The following TRPM2 variants were observed in gnomAD, a reference collection of about 807,000 sequenced individuals.
The protein encoded by TRPM2 is estrogen-responsive element-associated gene 1 protein.
A neutral mutation model predicts 174.0 loss-of-function variants in TRPM2; 161 were observed. The ratio of observed to expected loss-of-function variants is 0.93; its 90% CI spans 0.81 to 1.05. TRPM2 has a LOEUF of 1.05. Among genes scored for constraint, TRPM2 ranks in the 50% least tolerant of loss-of-function variants. TRPM2 has a pLI of 0.00. For synonymous variants in TRPM2, 954 were observed against 861.3 expected (o/e 1.11, Z -1.88); for missense variants, 2,057 against 2,038.0 (o/e 1.01, Z -0.18).
intron 22 of TRPM2, among the ~76,000 whole-genome samples, chr21:44,420,197 G>T (rs2050499881): frequency 6.6e-6 from 1 of 152,082 alleles, no homozygotes; most frequent in African/African-American, 2.4e-5. Context: ...AGAGAGTCAG[G>T]ACTTGCTGTC....
chr21:44,391,043 C>T lies in TRPM2; in HGVS notation c.1440+18C>T, dbSNP rs186442818. The T allele has an allele frequency of 3.7e-6, 6 of 1,613,488 alleles. No individual in the cohort carries two copies. The Admixed American group carries it at 6.7e-5, about 18-fold the overall frequency. On this transcript the variant is annotated intron_variant, in intron 10 of 31. Transcript: ENST00000397928. The surrounding 1 kb of genome is among the most constrained non-coding windows in gnomAD (Gnocchi z 5.0). ...AGTGGAAGGTAAGTCTTCCAGAGCACCCCGTGGAGGGGCCTACTGGGCCCA... is the reference window on the plus strand; with the variant it reads ...AGTGGAAGGTAAGTCTTCCAGAGCATCCCGTGGAGGGGCCTACTGGGCCCA...
chr21:44,421,863 G>A (rs771193415), intron 22 of TRPM2, among the ~76,000 whole-genome samples: 9 of 152,194 alleles, frequency 5.9e-5, no homozygotes, highest in African/African-American at 4.8e-5. Context: ...GCTGCAGTGC[G>A]CCATGATGGT....
chr21:44,405,528 C>T (rs192290360), intron 17 of TRPM2, among the ~76,000 whole-genome samples: 227 of 152,212 alleles, frequency 1.5e-3, no homozygotes, highest in African/African-American at 5.3e-3. Context: ...CTGGAATTGT[C>T]CCAGCTCCAC....
At chr21:44,361,499 G>A (rs562614861) in intron 2 of TRPM2, among the ~76,000 whole-genome samples, 42 of 152,216 alleles carry the variant, frequency 2.8e-4, no homozygotes, top group East Asian at 1.9e-3. Context: ...TTTGGTAGAC[G>A]TCAAATAATT....
At chr21:44,422,256 C>T (rs776795163) in intron 22 of TRPM2, 6 of 1,535,124 alleles carry the variant, frequency 3.9e-6, no homozygotes. Flanking sequence ...TTCACCAAAG[C>T]TCCTCGCCCA....
In TRPM2 at chr21:44,353,838, A is replaced by G. The variant is rs45438394; in HGVS notation, c.138A>G (p.Leu46=). Residue 46 remains leucine, a synonymous_variant, in exon 1 of 32, where the codon CTA becomes CTG. Coordinates refer to ENST00000397928, the MANE Select transcript of TRPM2 (RefSeq NM_003307.4). Reference sequence around the variant, plus strand: ...GCAGCCTCTTCAAGAGCTGGAGGCTACAGTGCCCCTTCGGCAACAATGACA... The same window carrying G: ...GCAGCCTCTTCAAGAGCTGGAGGCTGCAGTGCCCCTTCGGCAACAATGACA... ...SNSSLFKSWR[L]QCPFGNNDKQ... is the part of the protein sequence containing the mutation. 2.2e-4 allele frequency: 357 copies of G among 1,600,940 alleles called. No homozygotes were observed. In the African/African-American group the frequency reaches 4.1e-3, roughly 18 times the overall value.
At chr21:44,369,415 G>C in intron 5 of TRPM2, 72 bp downstream of exon 5, 1 of 1,527,274 alleles carries the variant, frequency 6.5e-7, no homozygotes, top group Non-Finnish European at 8.8e-7. Flanking sequence ...GCGCTGTGGG[G>C]AGCAGGTGGA....
At chr21:44,395,657 G>A (rs1227687603) in intron 12 of TRPM2, 106 bp downstream of exon 12, 4 of 1,353,460 alleles carry the variant, frequency 3.0e-6, no homozygotes, top group Admixed American at 2.0e-5. Context: ...CCAAGTGCAC[G>A]TGGAGGCTGT....
At chr21:44,351,462 A>G (rs983720519), upstream of TRPM2, among the ~76,000 whole-genome samples, 2 of 152,158 alleles carry the variant, frequency 1.3e-5, no homozygotes. Context: ...GGCCTGCTTC[A>G]TGCATCTGTC....
chr21:44,406,558 C>T (rs756105996), intron 18 of TRPM2, 36 bp from the exon 19 acceptor site: 30 of 1,585,428 alleles, frequency 1.9e-5, no homozygotes, highest in Middle Eastern at 2.0e-4. Flanking sequence ...CATCGGGGGC[C>T]AGGAGAGTGT....
At chr21:44,403,758 T>C (rs2049727640) in intron 16 of TRPM2, among the ~76,000 whole-genome samples, 4 of 149,738 alleles carry the variant, frequency 2.7e-5, no homozygotes, top group Admixed American at 2.7e-4. Flanking sequence ...TGCACACACA[T>C]GCATACACAT....
intron 18 of TRPM2, 84 bp from the exon 19 acceptor site, chr21:44,406,510 T>A (rs1407926228): frequency 6.9e-7 from 1 of 1,457,486 alleles, no homozygotes; most frequent in African/African-American, 1.4e-5. Context: ...GGCAGTGCTG[T>A]CTCCACCGCT....
intron 5 of TRPM2, among the ~76,000 whole-genome samples, chr21:44,373,607 CATTATATG>C: frequency 7.0e-6 from 1 of 143,210 alleles, no homozygotes. Flanking sequence ...ATGCGACCTG[CATTATATG>C]CGACCTGCAT....
intron 2 of TRPM2, among the ~76,000 whole-genome samples, chr21:44,357,792 C>T (rs773787062): frequency 6.6e-5 from 10 of 152,242 alleles, no homozygotes; most frequent in Non-Finnish European, 1.3e-4. Flanking sequence ...CGTTCCCAGA[C>T]ACCACCTTGA....
At chr21:44,379,364 G>T (rs1470931949) in intron 8 of TRPM2, among the ~76,000 whole-genome samples, 167 bp downstream of exon 8, 4 of 152,232 alleles carry the variant, frequency 2.6e-5, no homozygotes, top group Admixed American at 6.5e-5. Context: ...AAACCTCCTG[G>T]CTGGGTTCCG....
upstream of TRPM2, among the ~76,000 whole-genome samples, chr21:44,351,953 C>T (rs2122998714): frequency 4.6e-5 from 7 of 152,208 alleles, no homozygotes; most frequent in Non-Finnish European, 8.8e-5. Context: ...GCAGAGAGTC[C>T]CACACCGTGG....
At chr21:44,395,722 G>A (rs1602210449) in intron 12 of TRPM2, among the ~76,000 whole-genome samples, 171 bp downstream of exon 12, 1 of 11,536 alleles carries the variant, frequency 8.7e-5, no homozygotes, top group Non-Finnish European at 1.8e-4. Flanking sequence ...GGTGTGGAGG[G>A]CTGTGGAGGG....
chr21:44,425,780 T>C lies in TRPM2; in HGVS notation c.3748T>C (p.Cys1250Arg). The C allele has an allele frequency of 6.3e-7, 1 of 1,594,002 alleles. No individual in the cohort carries two copies. The highest frequency in any genetic ancestry group is 8.6e-7 in the Non-Finnish European group (1 of 1,166,196). The change falls in exon 25 of 32, where the codon TGC becomes CGC. Residue 1250 changes from cysteine (C) to arginine (R), a missense_variant. Coordinates refer to ENST00000397928, the MANE Select transcript of TRPM2 (RefSeq NM_003307.4). Reference protein sequence around the residue: ...VNARHLLYPNCPVTRFPVPNE... With the variant: ...VNARHLLYPNRPVTRFPVPNE... ...TGCCCGGCACCTCCTCTACCCCAAC[T>C]GCCCTGTCACGCGCTTCCCCGTGCC...
At chr21:44,428,370 A>G (rs2050881995) in intron 27 of TRPM2, among the ~76,000 whole-genome samples, 2 of 151,802 alleles carry the variant, frequency 1.3e-5, no homozygotes, top group African/African-American at 4.8e-5. Flanking sequence ...CCCTCCCCTG[A>G]GGTGTGGCTC....
Sources: allele counts gnomAD v4.1 joint callset (sites outside exome capture counted in the v4.1 genomes callset), GRCh38; gene constraint gnomAD v4.1.1; non-coding constraint Gnocchi (gnomAD v3.1); transcripts MANE v1.5; gene names NCBI Gene and HGNC (gene_info 2026-07-23, HGNC 2026-07-21).